The following CADM2 variants were observed in gnomAD, a reference collection of about 807,000 sequenced individuals.
CADM2 encodes immunoglobulin superfamily member 4D.
In CADM2, 12 loss-of-function variants were observed where a neutral mutation model predicts 49.8. The ratio of observed to expected loss-of-function variants is 0.24; its 90% confidence interval spans 0.15 to 0.39. The LOEUF is 0.39. Among genes scored for constraint, CADM2 ranks in the 10% least tolerant of loss-of-function variants. The pLI is 1.00. For missense variants in CADM2, 378 were observed against 492.3 expected (o/e 0.77, Z 2.20); for synonymous variants, 214 against 175.4 (o/e 1.22, Z -1.74).
chr3:86,031,271 A>G (rs1232484725), intron 8 of CADM2, among the ~76,000 whole-genome samples: 3 of 151,858 alleles, frequency 2.0e-5, no homozygotes, highest in Non-Finnish European at 4.4e-5. Flanking sequence ...CCAGGGTCAT[A>G]TCTTGATATC....
intron 2 of CADM2, among the ~76,000 whole-genome samples, chr3:85,789,203 C>T (rs1287298959): frequency 6.6e-6 from 1 of 152,120 alleles, no homozygotes; most frequent in African/African-American, 2.4e-5. Context: ...AGGATATTTC[C>T]TCCAGTTTGA....
At chr3:85,950,646 A>G (rs1723318053) in intron 7 of CADM2, among the ~76,000 whole-genome samples, 1 of 151,192 alleles carries the variant, frequency 6.6e-6, no homozygotes, top group African/African-American at 2.4e-5. Flanking sequence ...TTCAACCACA[A>G]GCTTCTAAGC....
chr3:85,131,998 T>C (rs2039244840), intron 1 of CADM2, among the ~76,000 whole-genome samples: 1 of 152,148 alleles, frequency 6.6e-6, no homozygotes, highest in Admixed American at 6.5e-5. Flanking sequence ...ATATAACCTA[T>C]GTCATATGTA....
intron 1 of CADM2, among the ~76,000 whole-genome samples, chr3:85,709,676 C>T (rs1286913861): frequency 6.6e-6 from 1 of 152,078 alleles, no homozygotes; most frequent in Non-Finnish European, 1.5e-5. Flanking sequence ...CAATGAAAAA[C>T]ATTCACATGC....
At chr3:85,488,797 G>A (rs1365762747) in intron 1 of CADM2, among the ~76,000 whole-genome samples, 1 of 152,030 alleles carries the variant, frequency 6.6e-6, no homozygotes, top group Non-Finnish European at 1.5e-5. Flanking sequence ...CCAAAGTGCT[G>A]GGATTACAGG....
chr3:85,333,125 C>T (rs1198888600), intron 1 of CADM2, among the ~76,000 whole-genome samples: 14 of 151,590 alleles, frequency 9.2e-5, no homozygotes, highest in Non-Finnish European at 2.1e-4. Flanking sequence ...TTAATCTTTG[C>T]ATTGTACACA....
chr3:85,248,339 A>G (rs2042696224), intron 1 of CADM2, among the ~76,000 whole-genome samples: 1 of 151,966 alleles, frequency 6.6e-6, no homozygotes, highest in South Asian at 2.1e-4. Flanking sequence ...AAGTGGCCTG[A>G]TCTTCACTCA....
At chr3:86,064,735 T>C (rs1739110173) in intron 8 of CADM2, among the ~76,000 whole-genome samples, 1 of 152,194 alleles carries the variant, frequency 6.6e-6, no homozygotes, top group Non-Finnish European at 1.5e-5. Context: ...ATGGCGATCA[T>C]TAAAATGACC....
chr3:85,047,899 T>C (rs2035728753), intron 1 of CADM2, among the ~76,000 whole-genome samples: 1 of 152,144 alleles, frequency 6.6e-6, no homozygotes, highest in Non-Finnish European at 1.5e-5. Flanking sequence ...GCTGCTAATA[T>C]ATTGTTTTTG....
At chr3:85,390,320 AACTT>A (rs1441555604) in intron 1 of CADM2, among the ~76,000 whole-genome samples, 1 of 152,082 alleles carries the variant, frequency 6.6e-6, no homozygotes, top group East Asian at 1.9e-4. Flanking sequence ...CAATGTCCCT[AACTT>A]ACTTAATCAA....
At chr3:85,456,657 T>G (rs1033482171) in intron 1 of CADM2, among the ~76,000 whole-genome samples, 1 of 152,040 alleles carries the variant, frequency 6.6e-6, no homozygotes, top group African/African-American at 2.4e-5. Flanking sequence ...ATAAATAAAT[T>G]TTACTTTGGT....
chr3:85,972,356 A>T (rs9811856), intron 8 of CADM2, among the ~76,000 whole-genome samples: 3 of 151,730 alleles, frequency 2.0e-5, no homozygotes, highest in Non-Finnish European at 2.9e-5. Context: ...ACATCTTACC[A>T]TAATAATTCT....
chr3:85,130,816 T>G (rs893368443), intron 1 of CADM2, among the ~76,000 whole-genome samples: 1 of 152,228 alleles, frequency 6.6e-6, no homozygotes, highest in East Asian at 1.9e-4. Flanking sequence ...TAAACTCTTA[T>G]ACGTAGCGTT....
intron 3 of CADM2, among the ~76,000 whole-genome samples, chr3:85,859,222 G>GTTTTTT (rs2075427775): frequency 2.4e-5 from 2 of 84,354 alleles, no homozygotes; most frequent in Non-Finnish European, 4.9e-5. Context: ...TCTTTTTTTT[G>GTTTTTT]TCTTTTTTTT....
chr3:86,024,551 G>A (rs1200476580), intron 8 of CADM2, among the ~76,000 whole-genome samples: 1 of 152,116 alleles, frequency 6.6e-6, no homozygotes, highest in East Asian at 1.9e-4. Flanking sequence ...GTAATTTGGA[G>A]CAATTATATA....
chr3:85,518,422 C>T (rs1576702959), intron 1 of CADM2, among the ~76,000 whole-genome samples: 2 of 142,552 alleles, frequency 1.4e-5, no homozygotes, highest in African/African-American at 5.1e-5. Flanking sequence ...ACAATCTAGG[C>T]TTTTTTTTTT....
At chr3:85,192,042 A>G (rs2041221890) in intron 1 of CADM2, among the ~76,000 whole-genome samples, 1 of 151,936 alleles carries the variant, frequency 6.6e-6, no homozygotes, top group African/African-American at 2.4e-5. Context: ...GTTCAAATGA[A>G]ATAAAATTTT....
chr3:86,012,767 C>A, intron 8 of CADM2: 2 of 638,780 alleles, frequency 3.1e-6, no homozygotes, highest in Non-Finnish European at 5.5e-6. Context: ...AGGAGGTCAG[C>A]AGATCGAGAC....
rs193182812 is a variant in CADM2, at chr3:86,005,481, G to T, written c.970+43834G>T. ...CAGGAGAATTGCTGGAACCCAGGAGGCAGAGATTGCCGTGAGCCGAGATCA... is the reference window on the plus strand; with the variant it reads ...CAGGAGAATTGCTGGAACCCAGGAGTCAGAGATTGCCGTGAGCCGAGATCA... On this transcript the variant is annotated intron_variant, in intron 8 of 9. Transcript: ENST00000383699. Among the ~76,000 whole-genome samples, 278 of 149,704 alleles carry T rather than the reference G, an allele frequency of 1.9e-3. 1 individual carries two copies. Among genetic ancestry groups the T allele is most frequent in the African/African-American group, 6.5e-3 (262 of 40,586 alleles).
Sources: allele counts gnomAD v4.1 joint callset (sites outside exome capture counted in the v4.1 genomes callset), GRCh38; gene constraint gnomAD v4.1.1; transcripts MANE v1.5; gene names NCBI Gene and HGNC (gene_info 2026-07-23, HGNC 2026-07-21).